Variants in KMO observed in about 807,000 individuals in gnomAD.
KMO encodes kynurenine 3-monooxygenase.
A neutral mutation model predicts 57.8 loss-of-function variants in KMO; 24 were observed. The observed-to-expected ratio is 0.42, with a 90% CI of 0.30 to 0.58. KMO has a LOEUF of 0.58. Ranked by LOEUF, KMO falls within the 20% of genes least tolerant of loss-of-function variation. The probability of loss-of-function intolerance (pLI) is 0.22; values close to 1 mark genes in which losing one functional copy is unlikely to be tolerated. For missense variants in KMO, 483 were observed against 588.2 expected, an observed-to-expected ratio of 0.82 and a Z score of 1.85; for synonymous variants, 210 against 193.6, an observed-to-expected ratio of 1.08 and a Z score of -0.70.
intron 9 of KMO, among the ~76,000 whole-genome samples, chr1:241,567,398 C>T (rs554377910): frequency 6.6e-6 from 1 of 152,310 alleles, no homozygotes; most frequent in African/African-American, 2.4e-5. Context: ...GGCATGGGAT[C>T]TCTCTGGGGT....
At chr1:241,586,603 C>A (rs763490001) in intron 10 of KMO, 76 bp from the exon 11 acceptor site, 1 of 940,458 alleles carries the variant, frequency 1.1e-6, no homozygotes, top group Non-Finnish European at 1.7e-6. Flanking sequence ...AATGGAATAT[C>A]TATTCAAAAT....
intron 10 of KMO, among the ~76,000 whole-genome samples, chr1:241,574,737 T>C (rs965192831): frequency 6.6e-6 from 1 of 151,980 alleles, no homozygotes; most frequent in Non-Finnish European, 1.5e-5. Context: ...CTTTCTTTGT[T>C]ATGTCTTCTC....
intron 1 of KMO, among the ~76,000 whole-genome samples, chr1:241,543,886 C>T (rs185110358): frequency 1.3e-5 from 2 of 152,148 alleles, no homozygotes; most frequent in African/African-American, 4.8e-5. Context: ...ATCTGCCAAC[C>T]TTAGAAGTAT....
intron 1 of KMO, among the ~76,000 whole-genome samples, chr1:241,547,163 T>C (rs1661180782): frequency 6.6e-6 from 1 of 151,938 alleles, no homozygotes; most frequent in Admixed American, 6.6e-5. Flanking sequence ...AGACAAGAGA[T>C]CAGAAAAAAT....
chr1:241,544,151 T>C (rs923969248), intron 1 of KMO, among the ~76,000 whole-genome samples: 4 of 152,220 alleles, frequency 2.6e-5, no homozygotes, highest in African/African-American at 9.6e-5. Context: ...TCTCTCCTTT[T>C]AGGCCATTTC....
chr1:241,573,797 G>C (rs1378044862), intron 10 of KMO, among the ~76,000 whole-genome samples: 3 of 151,982 alleles, frequency 2.0e-5, no homozygotes, highest in African/African-American at 7.3e-5. Flanking sequence ...TTCTAATTCT[G>C]TGAAAAGCGA....
At chr1:241,571,138 A>T (rs1001652702) in intron 10 of KMO, among the ~76,000 whole-genome samples, 4 of 152,058 alleles carry the variant, frequency 2.6e-5, no homozygotes, top group Admixed American at 6.5e-5. Context: ...GTATCCTGTA[A>T]CTTTACTAAA....
In KMO at chr1:241,566,467, ACT is replaced by A. The variant is rs774640461; in HGVS notation, c.688-21_688-20del. 13 of 1,599,566 alleles carry A rather than the reference ACT, an allele frequency of 8.1e-6. No individual in the cohort carries two copies. The African/African-American group carries it at 1.6e-4, about 20-fold the overall frequency. ...CGTCACTTGGCCCCCATCCCCTTTC[ACT>A]CTGTTTCTCTTCTTCTCACAGAACA... On this transcript the variant is annotated intron_variant, in intron 8 of 14. Transcript: ENST00000366559.
At chr1:241,583,131 T>C (rs1450256548) in intron 10 of KMO, among the ~76,000 whole-genome samples, 1 of 152,172 alleles carries the variant, frequency 6.6e-6, no homozygotes, top group Non-Finnish European at 1.5e-5. Flanking sequence ...TTCTCTTTTG[T>C]TCCTTGAACC....
chr1:241,551,647 A>C (rs1364426680), intron 4 of KMO, among the ~76,000 whole-genome samples: 1 of 152,156 alleles, frequency 6.6e-6, no homozygotes, highest in African/African-American at 2.4e-5. Context: ...ATCTAATTAG[A>C]CCTTCTGATT....
At chr1:241,581,451 T>C (rs1402584201) in intron 10 of KMO, among the ~76,000 whole-genome samples, 1 of 152,122 alleles carries the variant, frequency 6.6e-6, no homozygotes, top group Non-Finnish European at 1.5e-5. Context: ...TATTCTCTGG[T>C]AGTATGTTTT....
In KMO at chr1:241,560,794, G is replaced by C. The variant is rs6702817; in HGVS notation, c.449+42G>C. On this transcript the variant is annotated intron_variant, in intron 6 of 14. Coordinates refer to ENST00000366559, the MANE Select transcript of KMO (RefSeq NM_003679.5). ...TTTTGGACTTCAGAGGTGAAAGCTG[G>C]GAGTGGAGAATTGTATCTGCAAACT... 5.4e-4 allele frequency: 712 copies of C among 1,312,324 alleles called. 6 individuals are homozygous for C. In the African/African-American group the frequency reaches 8.3e-3, roughly 15 times the overall value. The allele number at this position is 1,312,324 out of a possible 1,614,324, so 81.3% of individuals were successfully genotyped here. A position where few individuals can be genotyped will look rare whatever the true frequency, so the allele number is the denominator to read the frequency against.
At chr1:241,555,560 A>G (rs1234562679) in intron 4 of KMO, 52 bp from the exon 5 acceptor site, 1 of 961,868 alleles carries the variant, frequency 1.0e-6, no homozygotes, top group East Asian at 2.4e-5. Flanking sequence ...ACTTAGAATT[A>G]TATTTGTCCA....
intron 5 of KMO, among the ~76,000 whole-genome samples, chr1:241,560,051 G>A (rs539032645): frequency 6.6e-6 from 1 of 152,306 alleles, no homozygotes; most frequent in South Asian, 2.1e-4. Context: ...ATAATTAATA[G>A]TTCATAAATT....
At chr1:241,546,979 G>A (rs1661172776) in intron 1 of KMO, among the ~76,000 whole-genome samples, 1 of 152,176 alleles carries the variant, frequency 6.6e-6, no homozygotes, top group African/African-American at 2.4e-5. Context: ...CAGAAAATGA[G>A]AGAAGGTTAA....
chr1:241,588,649 C>T (rs548063663), intron 11 of KMO, 99 bp from the exon 12 acceptor site: 31 of 724,504 alleles, frequency 4.3e-5, no homozygotes, highest in African/African-American at 3.7e-4. Flanking sequence ...AAAAAATTAG[C>T]GAGAGCATTG....
intron 9 of KMO, among the ~76,000 whole-genome samples, chr1:241,567,304 A>G (rs1662119478): frequency 6.6e-6 from 1 of 152,232 alleles, no homozygotes; most frequent in Non-Finnish European, 1.5e-5. Flanking sequence ...AGATCAAGGC[A>G]CTAGCAGATT....
At chr1:241,562,509 C>T (rs1661886681) in intron 7 of KMO, among the ~76,000 whole-genome samples, 177 bp downstream of exon 7, 1 of 152,196 alleles carries the variant, frequency 6.6e-6, no homozygotes, top group African/African-American at 2.4e-5. Context: ...GCACGATTCT[C>T]AGTCCTTCCT....
intron 4 of KMO, among the ~76,000 whole-genome samples, chr1:241,551,762 G>A (rs1661399325): frequency 1.3e-5 from 2 of 152,124 alleles, no homozygotes; most frequent in South Asian, 4.1e-4. Context: ...GAAGTGCAGC[G>A]TCTGAGTGAG....
Sources: allele counts gnomAD v4.1 joint callset (sites outside exome capture counted in the v4.1 genomes callset), GRCh38; gene constraint gnomAD v4.1.1; transcripts MANE v1.5; gene names NCBI Gene and HGNC (gene_info 2026-07-23, HGNC 2026-07-21).